The following RAP1B variants were observed in gnomAD, a reference collection of about 807,000 sequenced individuals.
The protein encoded by RAP1B is RAP1B, member of RAS oncogene family.
In RAP1B, 1 loss-of-function variant was observed where a neutral mutation model predicts 27.5. The ratio of observed to expected loss-of-function variants is 0.04; its 90% CI spans 0.01 to 0.17. The LOEUF (loss-of-function observed/expected upper bound fraction) is 0.17, where lower values mean the gene tolerates loss of function less well. Among genes scored for constraint, RAP1B ranks in the 10% least tolerant of loss-of-function variants. The probability of loss-of-function intolerance (pLI) is 1.00; values close to 1 mark genes in which losing one functional copy is unlikely to be tolerated. For synonymous variants in RAP1B, 75 were observed against 73.1 expected, an observed-to-expected ratio of 1.03 and a Z score of -0.13; for missense variants, 84 against 214.8, an observed-to-expected ratio of 0.39 and a Z score of 3.81.
At chr12:68,612,797 G>A (rs946674483) in intron 1 of RAP1B, among the ~76,000 whole-genome samples, 24 of 151,844 alleles carry the variant, frequency 1.6e-4, no homozygotes, top group African/African-American at 4.9e-4. Context: ...TGTGTACTAC[G>A]TTAGGTGTTT....
chr12:68,613,389 TAAAA>T (rs34380580), intron 1 of RAP1B, among the ~76,000 whole-genome samples: 2 of 123,366 alleles, frequency 1.6e-5, no homozygotes, highest in Non-Finnish European at 3.3e-5. Flanking sequence ...AGACCTGTCT[TAAAA>T]AAAAAAAAAA....
At chr12:68,651,639 T>C (rs1873821153) in intron 3 of RAP1B, 1 of 208,784 alleles carries the variant, frequency 4.8e-6, no homozygotes. Context: ...TTAGACAGAA[T>C]TACTTATGAT....
chr12:68,649,325 A>ATGAG (rs1396285974), intron 2 of RAP1B: 2 of 152,972 alleles, frequency 1.3e-5, no homozygotes, highest in Non-Finnish European at 2.9e-5. Flanking sequence ...TACAGGCATA[A>ATGAG]ATCACCATGC....
At chr12:68,611,642 C>G (rs1415004215) in intron 1 of RAP1B, among the ~76,000 whole-genome samples, 3 of 152,190 alleles carry the variant, frequency 2.0e-5, no homozygotes, top group Non-Finnish European at 2.9e-5. Flanking sequence ...ACGGGGCTTG[C>G]TTGCTCCATT....
chr12:68,619,668 A>G (rs1451766099), intron 1 of RAP1B, among the ~76,000 whole-genome samples: 3 of 152,164 alleles, frequency 2.0e-5, no homozygotes, highest in Non-Finnish European at 2.9e-5. Flanking sequence ...TTATTTTTCC[A>G]TGCTTTGCTC....
intron 1 of RAP1B, chr12:68,627,403 T>C (rs953936558): frequency 1.3e-5 from 7 of 547,980 alleles, no homozygotes; most frequent in South Asian, 3.8e-5. Context: ...CACACAAATA[T>C]ACCCAATCCC....
chr12:68,645,667 T>A (rs1873352377), intron 1 of RAP1B, among the ~76,000 whole-genome samples: 1 of 152,190 alleles, frequency 6.6e-6, no homozygotes, highest in Non-Finnish European at 1.5e-5. Context: ...TCTGCAAAAC[T>A]AGATGCAACC....
At chr12:68,657,728 AC>A in intron 7 of RAP1B, 1 of 20,818 alleles carries the variant, frequency 4.8e-5, no homozygotes, top group Non-Finnish European at 9.5e-5. Flanking sequence ...AATTTAAAAC[AC>A]ACACACACAC....
chr12:68,651,413 G>A (rs1289849560), intron 3 of RAP1B, among the ~76,000 whole-genome samples: 1 of 152,004 alleles, frequency 6.6e-6, no homozygotes, highest in Non-Finnish European at 1.5e-5. Flanking sequence ...TTGCACCCCA[G>A]CTGTGAGACA....
Position 68,657,230 on chromosome 12 carries a change from A to T in RAP1B, c.*30+13A>T. Reference sequence around the variant, plus strand: ...AGCTCTGAGCCAGGTATGTTCACTTATCTTTCCTCTAACTTTTAATCACTC... The same window carrying T: ...AGCTCTGAGCCAGGTATGTTCACTTTTCTTTCCTCTAACTTTTAATCACTC... On this transcript the variant is annotated intron_variant, in intron 7 of 7. Transcript: ENST00000250559. 6.6e-7 allele frequency: 1 copy of T among 1,512,456 alleles called. No homozygotes were observed. The highest frequency in any genetic ancestry group is 1.1e-5 in the South Asian group (1 of 87,424). The allele number at this position is 1,512,456 out of a possible 1,614,324, so 93.7% of individuals were successfully genotyped here.
At chr12:68,645,307 C>T (rs557683248) in intron 1 of RAP1B, among the ~76,000 whole-genome samples, 1 of 152,320 alleles carries the variant, frequency 6.6e-6, no homozygotes, top group South Asian at 2.1e-4. Flanking sequence ...CAATTTGAAA[C>T]TTAGGTACCA....
At chr12:68,650,252 A>T (rs1471623167) in intron 2 of RAP1B, 148 bp from the exon 3 acceptor site, 1 of 623,736 alleles carries the variant, frequency 1.6e-6, no homozygotes, top group Non-Finnish European at 2.4e-6. Flanking sequence ...TTTTCTTACC[A>T]AATGTACACA....
chr12:68,653,294 AG>A (rs1373773693), intron 4 of RAP1B, among the ~76,000 whole-genome samples: 1 of 152,226 alleles, frequency 6.6e-6, no homozygotes, highest in Non-Finnish European at 1.5e-5. Flanking sequence ...GTGAAGATGA[AG>A]GGAAGATTTG....
intron 1 of RAP1B, among the ~76,000 whole-genome samples, chr12:68,639,842 GA>G (rs1179382601): frequency 5.1e-4 from 77 of 150,920 alleles, no homozygotes; most frequent in African/African-American, 1.8e-3. Flanking sequence ...CCCCACCAAA[GA>G]TTTTTTTTTT....
chr12:68,628,210 C>G (rs1305735503), intron 1 of RAP1B, among the ~76,000 whole-genome samples: 1 of 152,184 alleles, frequency 6.6e-6, no homozygotes, highest in African/African-American at 2.4e-5. Context: ...TGTACTTTAA[C>G]TTGAGATGGA....
At chr12:68,637,100 C>G (rs1872679116) in intron 1 of RAP1B, among the ~76,000 whole-genome samples, 1 of 152,188 alleles carries the variant, frequency 6.6e-6, no homozygotes, top group Non-Finnish European at 1.5e-5. Flanking sequence ...CTATATACTT[C>G]TGTCATTTGC....
intron 1 of RAP1B, among the ~76,000 whole-genome samples, chr12:68,631,761 T>A (rs1872253564): frequency 6.6e-6 from 1 of 152,184 alleles, no homozygotes; most frequent in Admixed American, 6.5e-5. Flanking sequence ...ACTCCCATAG[T>A]ATTTTGTACA....
rs751641490 is a variant in RAP1B, at chr12:68,665,614, A to G, written c.*6365A>G. On this transcript the variant is annotated 3_prime_UTR_variant, in exon 8 of 8. Coordinates refer to ENST00000250559, the MANE Select transcript of RAP1B (RefSeq NM_001010942.3). ...CATCTTTTATGGCAAAGAGCAAAATACTATTGTTCCTCTTCTAGTATGCTA... is the reference window on the plus strand; with the variant it reads ...CATCTTTTATGGCAAAGAGCAAAATGCTATTGTTCCTCTTCTAGTATGCTA... 6.6e-6 allele frequency: 1 copy of G among 152,154 alleles called. No individual in the cohort carries two copies. Among genetic ancestry groups the G allele is most frequent in the Non-Finnish European group, 1.5e-5 (1 of 68,030 alleles). The allele number at this position is 152,154 out of a possible 1,614,324, so 9.4% of individuals were successfully genotyped here.
chr12:68,614,134 A>C (rs1870812668), intron 1 of RAP1B, among the ~76,000 whole-genome samples: 1 of 152,216 alleles, frequency 6.6e-6, no homozygotes, highest in Admixed American at 6.5e-5. Flanking sequence ...ATGCAGTCCA[A>C]GATTTGGATG....
Sources: allele counts gnomAD v4.1 joint callset (sites outside exome capture counted in the v4.1 genomes callset), GRCh38; gene constraint gnomAD v4.1.1; transcripts MANE v1.5; gene names NCBI Gene and HGNC (gene_info 2026-07-23, HGNC 2026-07-21).